CYRIB: variants seen among roughly 807,000 people sequenced by gnomAD.
The protein encoded by CYRIB is CYFIP-related Rac1 interactor B.
CYRIB carries 8 observed loss-of-function variants against 44.2 expected under a neutral mutation model. That is an observed-to-expected ratio of 0.18 (90% confidence interval 0.11 to 0.33). The LOEUF (loss-of-function observed/expected upper bound fraction) is 0.33, where lower values mean the gene tolerates loss of function less well. Among genes scored for constraint, CYRIB ranks in the 10% least tolerant of loss-of-function variants. CYRIB has a pLI of 1.00. For synonymous variants in CYRIB, 131 were observed against 127.2 expected (o/e 1.03, Z -0.20); for missense variants, 185 against 382.8 (o/e 0.48, Z 4.31).
chr8:129,859,079 T>C (rs1172196881), intron 5 of CYRIB, among the ~76,000 whole-genome samples: 9 of 151,814 alleles, frequency 5.9e-5, no homozygotes, highest in Non-Finnish European at 1.2e-4. Context: ...TAGGCTGCAC[T>C]GATATTTATT....
In CYRIB at chr8:129,879,750, T is replaced by C. The variant is rs191129986; in HGVS notation, c.-10-279A>G. On this transcript the variant is annotated intron_variant, in intron 2 of 11. Coordinates refer to ENST00000519824, the Ensembl canonical transcript of CYRIB. ...AAGACAAGTTTCATTAATGGCCTTA[T>C]AATGAAAAATTCTTTAAGTATTCCA... 6.6e-5 allele frequency: 21 copies of C among 318,654 alleles called. No individual in the cohort carries two copies. The East Asian group carries it at 1.2e-3, about 18-fold the overall frequency. 19.7% of individuals were successfully genotyped at this position (318,654 alleles called of 1,614,324 possible).
chr8:129,991,534 T>C (rs2096633275), intron 1 of CYRIB, among the ~76,000 whole-genome samples: 1 of 152,102 alleles, frequency 6.6e-6, no homozygotes, highest in Admixed American at 6.6e-5. Flanking sequence ...TAAGCAAGCT[T>C]AGCCCCCTCA....
intron 6 of CYRIB, among the ~76,000 whole-genome samples, chr8:129,854,913 TAAC>T (rs2045372367): frequency 6.6e-6 from 1 of 152,060 alleles, no homozygotes; most frequent in Non-Finnish European, 1.5e-5. Context: ...TCATTCTTTT[TAAC>T]AACAAGGTAT....
At chr8:129,933,513 T>C (rs2092125419) in intron 1 of CYRIB, among the ~76,000 whole-genome samples, 1 of 152,170 alleles carries the variant, frequency 6.6e-6, no homozygotes, top group Admixed American at 6.5e-5. Context: ...AAAATAAATG[T>C]GACTTATGGG....
chr8:129,910,323 CT>C (rs2077299837), intron 1 of CYRIB, among the ~76,000 whole-genome samples: 1 of 152,130 alleles, frequency 6.6e-6, no homozygotes, highest in South Asian at 2.1e-4. Flanking sequence ...GAACATATAT[CT>C]TTGTTGAAAT....
chr8:129,941,823 C>G (rs150998862), upstream of CYRIB, among the ~76,000 whole-genome samples: 32 of 152,334 alleles, frequency 2.1e-4, no homozygotes, highest in East Asian at 5.6e-3. Context: ...ATCTTCAACA[C>G]ATGAATATCT....
intron 2 of CYRIB, among the ~76,000 whole-genome samples, chr8:129,887,735 T>G (rs182821623): frequency 6.6e-6 from 1 of 152,238 alleles, no homozygotes; most frequent in Admixed American, 6.5e-5. Context: ...GGAGATTATT[T>G]TGGAGCTTTA....
intron 5 of CYRIB, among the ~76,000 whole-genome samples, chr8:129,857,459 A>G (rs1318735484): frequency 6.6e-6 from 1 of 152,190 alleles, no homozygotes; most frequent in East Asian, 1.9e-4. Flanking sequence ...AACACCACCA[A>G]TATAGGAGCA....
chr8:129,843,692 A>G (rs1416297766), intron 11 of CYRIB, among the ~76,000 whole-genome samples: 1 of 152,222 alleles, frequency 6.6e-6, no homozygotes. Context: ...GTGTGTCACC[A>G]TGCCCAGCTA....
intron 2 of CYRIB, among the ~76,000 whole-genome samples, chr8:129,881,817 A>C (rs1056814206): frequency 6.6e-6 from 1 of 152,214 alleles, no homozygotes; most frequent in African/African-American, 2.4e-5. Context: ...TAAGAGGGAA[A>C]TATTTAATAT....
At chr8:129,876,138 T>C (rs2059043427) in intron 3 of CYRIB, among the ~76,000 whole-genome samples, 1 of 150,814 alleles carries the variant, frequency 6.6e-6, no homozygotes, top group African/African-American at 2.4e-5. Flanking sequence ...AGGTCTTCCA[T>C]GATGATTCTC....
chr8:129,857,888 C>G (rs2047049315), intron 5 of CYRIB, among the ~76,000 whole-genome samples: 1 of 152,214 alleles, frequency 6.6e-6, no homozygotes, highest in African/African-American at 2.4e-5. Flanking sequence ...TAGACTTTAT[C>G]AAGTCTCAGG....
chr8:130,001,023 A>C (rs758782437), intron 1 of CYRIB, among the ~76,000 whole-genome samples: 1 of 152,234 alleles, frequency 6.6e-6, no homozygotes, highest in African/African-American at 2.4e-5. Context: ...CCTTTAAAAA[A>C]TGGCTGAGGA....
At chr8:129,951,938 A>ATAG (rs1445049164) in intron 2 of CYRIB, among the ~76,000 whole-genome samples, 2 of 152,246 alleles carry the variant, frequency 1.3e-5, no homozygotes, top group East Asian at 3.8e-4. Flanking sequence ...TGTCTGGCAT[A>ATAG]TAGTAGGAGC....
intron 1 of CYRIB, among the ~76,000 whole-genome samples, chr8:129,918,790 T>C (rs1328746241): frequency 1.3e-5 from 2 of 152,180 alleles, no homozygotes; most frequent in Non-Finnish European, 2.9e-5. Context: ...TCATAAATAA[T>C]ATAAGTACAT....
intron 4 of CYRIB, 56 bp from the exon 7 acceptor site, chr8:129,862,390 T>G (rs548949236): frequency 7.5e-7 from 1 of 1,331,424 alleles, no homozygotes; most frequent in Admixed American, 1.9e-5. Context: ...AAGGTTCATT[T>G]TTACATTAAA....
chr8:129,908,589 C>CA (rs1285058015), intron 1 of CYRIB, among the ~76,000 whole-genome samples: 1 of 151,344 alleles, frequency 6.6e-6, no homozygotes, highest in African/African-American at 2.4e-5. Flanking sequence ...TTTTGCTGAA[C>CA]ATGGTCATTA....
chr8:129,875,702 T>G (rs1167198890), intron 3 of CYRIB, among the ~76,000 whole-genome samples: 1 of 152,204 alleles, frequency 6.6e-6, no homozygotes, highest in East Asian at 1.9e-4. Context: ...CAGAATGACA[T>G]TTCATGCCTT....
At chr8:130,002,123 T>A (rs933715307) in intron 1 of CYRIB, among the ~76,000 whole-genome samples, 1 of 152,184 alleles carries the variant, frequency 6.6e-6, no homozygotes, top group African/African-American at 2.4e-5. Context: ...AACTTTGGTT[T>A]TCTCTGTTTT....
Sources: allele counts gnomAD v4.1 joint callset (sites outside exome capture counted in the v4.1 genomes callset), GRCh38; gene constraint gnomAD v4.1.1; transcripts MANE v1.5; gene names NCBI Gene and HGNC (gene_info 2026-07-23, HGNC 2026-07-21).